Variants in CC2D2A observed in about 807,000 individuals in gnomAD.
CC2D2A encodes the protein coiled-coil and C2 domain-containing protein 2A.
In CC2D2A, 155 loss-of-function variants were observed where a neutral mutation model predicts 212.9. The observed-to-expected ratio is 0.73, with a 90% CI of 0.64 to 0.83. The LOEUF (loss-of-function observed/expected upper bound fraction) is 0.83. Among genes scored for constraint, CC2D2A ranks in the 40% least tolerant of loss-of-function variants. The pLI is 0.00. For missense variants in CC2D2A, 1,856 were observed against 1,956.2 expected (o/e 0.95, Z 0.97); for synonymous variants, 667 against 686.5 (o/e 0.97, Z 0.44).
chr4:15,492,613 G>A, intron 4 of CC2D2A: 2 of 443,502 alleles, frequency 4.5e-6, no homozygotes, highest in South Asian at 2.2e-5. Flanking sequence ...AAATTGTGAG[G>A]AGGGGAGATT....
At chr4:15,559,956 C>T (rs1719489146) in intron 22 of CC2D2A, among the ~76,000 whole-genome samples, 1 of 152,084 alleles carries the variant, frequency 6.6e-6, no homozygotes, top group Admixed American at 6.5e-5. Context: ...CTCAGCCTCT[C>T]GAATAGCCAG....
intron 4 of CC2D2A, among the ~76,000 whole-genome samples, chr4:15,489,835 C>T (rs1393006529): frequency 1.3e-5 from 2 of 152,214 alleles, no homozygotes; most frequent in African/African-American, 4.8e-5. Flanking sequence ...TACTTTTGTA[C>T]TTGGCTTCCA....
At chr4:15,575,694 G>C (rs979101738) in intron 29 of CC2D2A, among the ~76,000 whole-genome samples, 4 of 152,116 alleles carry the variant, frequency 2.6e-5, no homozygotes. Context: ...GTAAAACAGT[G>C]CTTCTCTAGA....
chr4:15,599,468 T>C (rs1470749738), intron 35 of CC2D2A, 61 bp from the exon 36 acceptor site: 1 of 1,143,300 alleles, frequency 8.7e-7, no homozygotes, highest in Non-Finnish European at 1.2e-6. Flanking sequence ...ACATACTACA[T>C]ACATTTTTTA....
At chr4:15,480,474 C>T (rs138676991) in intron 3 of CC2D2A, among the ~76,000 whole-genome samples, 91 of 152,240 alleles carry the variant, frequency 6.0e-4, no homozygotes, top group Non-Finnish European at 1.2e-3. Flanking sequence ...AAAATAATAA[C>T]GTTATTTGGG....
chr4:15,478,909 T>C, intron 3 of CC2D2A, 103 bp downstream of exon 3: 1 of 1,013,940 alleles, frequency 9.9e-7, no homozygotes, highest in East Asian at 2.6e-5. Flanking sequence ...TTCCTTCTTT[T>C]GGTACCAACT....
chr4:15,585,770 CAT>C (rs144872883), intron 30 of CC2D2A, among the ~76,000 whole-genome samples: 12 of 152,322 alleles, frequency 7.9e-5, no homozygotes, highest in Admixed American at 2.0e-4. Context: ...TTGGGAACCA[CAT>C]GTCTTGGTTC....
intron 24 of CC2D2A, 100 bp from the exon 25 acceptor site, chr4:15,567,277 G>A (rs537672064): frequency 4.2e-4 from 370 of 881,666 alleles, no homozygotes; most frequent in Non-Finnish European, 5.4e-4. Context: ...CAGCTTGGGC[G>A]ACAGAGTGAG....
intron 7 of CC2D2A, among the ~76,000 whole-genome samples, chr4:15,510,959 T>A (rs964291402): frequency 1.3e-5 from 2 of 152,372 alleles, no homozygotes; most frequent in Admixed American, 1.3e-4. Context: ...AATAATCTTA[T>A]CTAAAGTGTT....
In CC2D2A at chr4:15,537,866, C is replaced by T. The variant is rs776799493; in HGVS notation, c.1765-33C>T. On this transcript the variant is annotated intron_variant, in intron 15 of 36. Coordinates refer to ENST00000424120, the MANE Select transcript of CC2D2A (RefSeq NM_001378615.1). ...GCTCTTAAATGAAATTCCAAAATTC[C>T]TGTTTGATATCATGTTGCCTCTAAC... 5.1e-6 allele frequency: 8 copies of T among 1,556,518 alleles called. No homozygotes were observed. In the African/African-American group the frequency reaches 9.6e-5, roughly 19 times the overall value.
chr4:15,582,982 T>A (rs1353821791), intron 30 of CC2D2A, among the ~76,000 whole-genome samples: 1 of 152,018 alleles, frequency 6.6e-6, no homozygotes, highest in African/African-American at 2.4e-5. Context: ...ATTAAAAAAA[T>A]AATGCAACAT....
chr4:15,566,198 A>G (rs2109068693), intron 24 of CC2D2A, among the ~76,000 whole-genome samples: 1 of 152,334 alleles, frequency 6.6e-6, no homozygotes, highest in East Asian at 1.9e-4. Flanking sequence ...TAAGAACAGC[A>G]GTTGAGAAGG....
In CC2D2A at chr4:15,502,919, C is replaced by T. The variant is rs1577330157; in HGVS notation, c.434C>T (p.Thr145Ile). ...SKKELETEFG[T>I]EPGKEVERTQ... ...AAAGAATTGGAGACTGAATTTGGCA[C>T]AGAGGTGAGAAATACCCTCTCTACT... Residue 145 changes from threonine (T) to isoleucine (I), a missense_variant, in exon 6 of 37, where the codon ACA (threonine) becomes ATA (isoleucine). Around this residue, in one of 5 missense-constraint regions of CC2D2A, gnomAD observed 1,512 missense variants for 1,579.3 expected, o/e 0.96. Coordinates refer to ENST00000424120, the MANE Select transcript of CC2D2A (RefSeq NM_001378615.1). 1.2e-6 allele frequency: 2 copies of T among 1,605,414 alleles called. No homozygotes were observed. The highest frequency in any genetic ancestry group is 1.7e-6 in the Non-Finnish European group (2 of 1,176,190).
chr4:15,470,689 C>CTCTCTCTA (rs1713728306), intron 1 of CC2D2A, among the ~76,000 whole-genome samples: 2 of 50,670 alleles, frequency 3.9e-5, no homozygotes, highest in Non-Finnish European at 7.3e-5. Context: ...CTCTCTCTCT[C>CTCTCTCTA]TATATATATA....
At chr4:15,583,975 G>T (rs1186879068) in intron 30 of CC2D2A, among the ~76,000 whole-genome samples, 1 of 144,038 alleles carries the variant, frequency 6.9e-6, no homozygotes, top group African/African-American at 2.6e-5. Flanking sequence ...GAAAAGAAAA[G>T]AAAATTACAA....
In CC2D2A at chr4:15,502,811, T is replaced by C; in HGVS notation, c.337-11T>C. The C allele has an allele frequency of 6.2e-7, 1 of 1,602,042 alleles. No individual in the cohort carries two copies. Among genetic ancestry groups the C allele is most frequent in the East Asian group, 2.2e-5 (1 of 44,564 alleles). On this transcript the variant is annotated splice_polypyrimidine_tract_variant and intron_variant, in intron 5 of 36. Coordinates refer to ENST00000424120, the MANE Select transcript of CC2D2A (RefSeq NM_001378615.1). ...CATCATGTAGCAGTAAATTTCTGTTTGACTTTTTAGTCCAAAGCAGAAAGT... is the reference window on the plus strand; with the variant it reads ...CATCATGTAGCAGTAAATTTCTGTTCGACTTTTTAGTCCAAAGCAGAAAGT...
chr4:15,499,563 GAT>G (rs1715805105), intron 4 of CC2D2A, among the ~76,000 whole-genome samples: 1 of 152,152 alleles, frequency 6.6e-6, no homozygotes. Context: ...ATTCAGAAGA[GAT>G]AGTGTTTAAT....
In CC2D2A at chr4:15,597,447, C is replaced by T. The variant is rs1218998708; in HGVS notation, c.4478C>T (p.Ala1493Val). Residue 1493 changes from alanine to valine, a missense_variant, in exon 35 of 37, where the codon GCA (alanine) becomes GTA (valine). This residue lies in a region of CC2D2A where 285 missense variants were observed against 278.4 expected (regional missense o/e 1.02). Transcript: ENST00000424120. ...LIYQRSDKAA[A>V]AELQDRIEKI... ...TACCAGCGCTCAGACAAAGCAGCTGCAGCTGAGCTACAAGACAGGTAACAT... is the reference window on the plus strand; with the variant it reads ...TACCAGCGCTCAGACAAAGCAGCTGTAGCTGAGCTACAAGACAGGTAACAT... 1 of 1,553,504 alleles carries T rather than the reference C, an allele frequency of 6.4e-7. No individual in the cohort carries two copies. The highest frequency in any genetic ancestry group is 1.4e-5 in the African/African-American group (1 of 73,312).
At chr4:15,597,061 A>G (rs1378310790) in intron 34 of CC2D2A, among the ~76,000 whole-genome samples, 1 of 152,178 alleles carries the variant, frequency 6.6e-6, no homozygotes, top group Non-Finnish European at 1.5e-5. Context: ...TCATAAACAC[A>G]TTGTGTTAAT....
Sources: allele counts gnomAD v4.1 joint callset (sites outside exome capture counted in the v4.1 genomes callset), GRCh38; gene constraint gnomAD v4.1.1; regional missense constraint gnomAD v4.1.1; transcripts MANE v1.5; gene names NCBI Gene and HGNC (gene_info 2026-07-23, HGNC 2026-07-21).